ARHGAP10: variants seen among roughly 807,000 people sequenced by gnomAD.
ARHGAP10 encodes Rho GTPase activating protein 10.
A neutral mutation model predicts 108.6 loss-of-function variants in ARHGAP10; 87 were observed. The observed-to-expected ratio is 0.80, with a 90% CI of 0.67 to 0.96. ARHGAP10 has a LOEUF of 0.96. Ranked by LOEUF, ARHGAP10 falls within the 40% of genes least tolerant of loss-of-function variation. The probability of loss-of-function intolerance (pLI) is 0.00; values close to 1 mark genes in which losing one functional copy is unlikely to be tolerated. For missense variants in ARHGAP10, 939 were observed against 954.5 expected, an observed-to-expected ratio of 0.98 and a Z score of 0.21; for synonymous variants, 347 against 341.1, an observed-to-expected ratio of 1.02 and a Z score of -0.19.
intron 18 of ARHGAP10, among the ~76,000 whole-genome samples, chr4:147,998,918 C>G (rs987862094): frequency 5.3e-5 from 8 of 152,030 alleles, no homozygotes; most frequent in Non-Finnish European, 1.0e-4. Flanking sequence ...AACTATTGCC[C>G]TGGAAGAACT....
intron 5 of ARHGAP10, chr4:147,861,540 C>G (rs1232816522): frequency 6.6e-6 from 1 of 152,348 alleles, no homozygotes; most frequent in African/African-American, 2.4e-5. Context: ...TGTCCCACAT[C>G]CAAGAGGAAT....
chr4:147,878,200 A>G (rs1560805459), intron 8 of ARHGAP10, among the ~76,000 whole-genome samples: 3 of 151,890 alleles, frequency 2.0e-5, no homozygotes, highest in South Asian at 4.1e-4. Flanking sequence ...GGTTCAGCCT[A>G]TTCACCTGCC....
intron 7 of ARHGAP10, among the ~76,000 whole-genome samples, chr4:147,873,547 G>A (rs895608976): frequency 2.0e-5 from 3 of 151,770 alleles, no homozygotes; most frequent in Admixed American, 1.3e-4. Flanking sequence ...GGATAAGGGT[G>A]GGGGATGGTG....
Position 147,746,736 on chromosome 4 carries a change from AGTG to A in ARHGAP10, c.154+14286_154+14288del, listed in dbSNP as rs1728939280. Among the ~76,000 whole-genome samples, 4 of 152,158 alleles carry A rather than the reference AGTG, an allele frequency of 2.6e-5. No homozygotes were observed. In the South Asian group the frequency reaches 8.3e-4, roughly 32 times the overall value. On this transcript the variant is annotated intron_variant, in intron 1 of 22. Coordinates refer to ENST00000336498, the MANE Select transcript of ARHGAP10 (RefSeq NM_024605.4). ...GTGGGATTCATATTCTAGGTGAAGAAGTGGTGGGAGGGTGTACCTTTCACCTGT... is the reference window on the plus strand; with the variant it reads ...GTGGGATTCATATTCTAGGTGAAGAAGTGGGAGGGTGTACCTTTCACCTGT...
intron 11 of ARHGAP10, among the ~76,000 whole-genome samples, 163 bp downstream of exon 11, chr4:147,906,882 C>T (rs1006159115): frequency 9.2e-5 from 14 of 152,128 alleles, no homozygotes; most frequent in Non-Finnish European, 1.6e-4. Flanking sequence ...TTGGGTTGGG[C>T]AAGCAGCAGT....
At chr4:148,064,868 T>C (rs909542566) in intron 22 of ARHGAP10, among the ~76,000 whole-genome samples, 1 of 152,242 alleles carries the variant, frequency 6.6e-6, no homozygotes, top group African/African-American at 2.4e-5. Context: ...AACCAAGTCC[T>C]TTAAATGCTT....
chr4:147,807,389 A>C (rs578085884), intron 1 of ARHGAP10, among the ~76,000 whole-genome samples: 1 of 152,322 alleles, frequency 6.6e-6, no homozygotes, highest in East Asian at 1.9e-4. Context: ...ACTATTGTTC[A>C]AAAGGTGATA....
At chr4:147,942,023 C>G (rs928955470) in intron 14 of ARHGAP10, among the ~76,000 whole-genome samples, 2 of 152,002 alleles carry the variant, frequency 1.3e-5, no homozygotes, top group African/African-American at 4.8e-5. Flanking sequence ...TCTACATAAT[C>G]TTAGGGGCAT....
chr4:147,900,958 T>G (rs756712601), intron 10 of ARHGAP10, among the ~76,000 whole-genome samples: 2 of 152,166 alleles, frequency 1.3e-5, no homozygotes, highest in Non-Finnish European at 2.9e-5. Flanking sequence ...ATGCGAATAA[T>G]CCAATATACT....
At chr4:147,838,927 G>A (rs1347596) in intron 3 of ARHGAP10, among the ~76,000 whole-genome samples, 110,232 of 152,088 alleles carry the variant, frequency 0.72, 43,757 homozygotes, top group Non-Finnish European at 0.88. Flanking sequence ...GAAACTAAAT[G>A]TGATTAGGGC....
chr4:147,992,864 A>G (rs532968190), intron 18 of ARHGAP10, among the ~76,000 whole-genome samples: 1 of 152,328 alleles, frequency 6.6e-6, no homozygotes, highest in East Asian at 1.9e-4. Flanking sequence ...AAATAATGAA[A>G]GACACCCATC....
At chr4:147,965,204 G>A (rs1739160692) in intron 17 of ARHGAP10, 75 bp downstream of exon 17, 6 of 1,091,894 alleles carry the variant, frequency 5.5e-6, no homozygotes, top group South Asian at 3.7e-5. Context: ...GATTTGTGAC[G>A]GGTGGAACTG....
chr4:147,734,503 A>G (rs1479582093), intron 1 of ARHGAP10, among the ~76,000 whole-genome samples: 1 of 152,138 alleles, frequency 6.6e-6, no homozygotes, highest in African/African-American at 2.4e-5. Context: ...ATTCTTTCCC[A>G]GAAGGTGACA....
chr4:147,907,381 C>T (rs929157796), intron 11 of ARHGAP10, among the ~76,000 whole-genome samples: 7 of 152,024 alleles, frequency 4.6e-5, no homozygotes, highest in African/African-American at 1.7e-4. Flanking sequence ...TTGTAGAAAA[C>T]GCCACAGAAC....
At chr4:147,766,836 A>ATATATTTATT (rs1729852960) in intron 1 of ARHGAP10, among the ~76,000 whole-genome samples, 4 of 43,634 alleles carry the variant, frequency 9.2e-5, no homozygotes, top group African/African-American at 2.9e-4. Context: ...ATATATATAT[A>ATATATTTATT]TATTTATTTA....
At chr4:147,770,774 CTGTATGACAGT>C (rs1730043611) in intron 1 of ARHGAP10, among the ~76,000 whole-genome samples, 1 of 152,112 alleles carries the variant, frequency 6.6e-6, no homozygotes, top group Non-Finnish European at 1.5e-5. Context: ...TTGTTTTTTT[CTGTATGACAGT>C]TGTATGATTC....
At chr4:147,939,296 T>C (rs754375323) in intron 13 of ARHGAP10, among the ~76,000 whole-genome samples, 4 of 152,222 alleles carry the variant, frequency 2.6e-5, no homozygotes, top group Non-Finnish European at 5.9e-5. Flanking sequence ...GTATACTTTG[T>C]GGTGATATTG....
At chr4:147,775,699 A>G (rs1730258875) in intron 1 of ARHGAP10, among the ~76,000 whole-genome samples, 1 of 152,142 alleles carries the variant, frequency 6.6e-6, no homozygotes, top group Non-Finnish European at 1.5e-5. Flanking sequence ...GTACAAATAA[A>G]TAATGCACAC....
intron 1 of ARHGAP10, among the ~76,000 whole-genome samples, chr4:147,751,419 A>G (rs1244751607): frequency 1.3e-5 from 2 of 150,990 alleles, no homozygotes; most frequent in Non-Finnish European, 2.9e-5. Flanking sequence ...GCCAGGGTGC[A>G]GTGGCGTGAT....
Sources: gnomAD v4.1 joint callset for allele counts (sites outside exome capture counted in the v4.1 genomes callset) on GRCh38, gnomAD v4.1.1 for gene constraint, MANE v1.5 for transcripts, NCBI Gene and HGNC (gene_info 2026-07-23, HGNC 2026-07-21) for gene names.